RPS6KC1: variants seen among roughly 807,000 people sequenced by gnomAD.
The protein encoded by RPS6KC1 is ribosomal protein S6 kinase C1.
In RPS6KC1, 54 loss-of-function variants were observed where a neutral mutation model predicts 103.8. That is an observed-to-expected ratio of 0.52 (90% CI 0.42 to 0.65). RPS6KC1 has a LOEUF of 0.65. Among genes scored for constraint, RPS6KC1 ranks in the 30% least tolerant of loss-of-function variants. The probability of loss-of-function intolerance (pLI) is 0.00; values close to 1 mark genes in which losing one functional copy is unlikely to be tolerated. For synonymous variants in RPS6KC1, 439 were observed against 438.7 expected, an observed-to-expected ratio of 1.00 and a Z score of -0.01; for missense variants, 1,151 against 1,253.8, an observed-to-expected ratio of 0.92 and a Z score of 1.24.
chr1:213,828,331 G>T, the RPS6KC1 span, among the ~76,000 whole-genome samples: 1 of 152,088 alleles, frequency 6.6e-6, no homozygotes, highest in Non-Finnish European at 1.5e-5. Flanking sequence ...GACACCCACC[G>T]CAGGGCATGT....
chr1:213,447,620 A>G, the RPS6KC1 span, among the ~76,000 whole-genome samples: 1 of 152,130 alleles, frequency 6.6e-6, no homozygotes, highest in African/African-American at 2.4e-5. Flanking sequence ...ATTGGATGAC[A>G]TGGGTTTAGC....
At chr1:213,796,925 T>G in the RPS6KC1 span, among the ~76,000 whole-genome samples, 1 of 152,124 alleles carries the variant, frequency 6.6e-6, no homozygotes, top group African/African-American at 2.4e-5. Context: ...GAGGCCAAAT[T>G]AAATGGCATG....
At chr1:213,320,698 G>A in the RPS6KC1 span, among the ~76,000 whole-genome samples, 2 of 152,232 alleles carry the variant, frequency 1.3e-5, no homozygotes, top group African/African-American at 4.8e-5. Flanking sequence ...ACCAGTGAGT[G>A]GAGTTGCTTT....
chr1:213,482,554 T>G, the RPS6KC1 span, among the ~76,000 whole-genome samples: 4 of 121,858 alleles, frequency 3.3e-5, no homozygotes, highest in African/African-American at 9.2e-5. Flanking sequence ...TTTTTTTTTT[T>G]TTTTTTTTTT....
At chr1:213,431,896 A>G in the RPS6KC1 span, among the ~76,000 whole-genome samples, 2 of 152,186 alleles carry the variant, frequency 1.3e-5, no homozygotes, top group Non-Finnish European at 2.9e-5. Flanking sequence ...AGAGTGTTTC[A>G]GAGTGGTTGT....
intron 6 of RPS6KC1, among the ~76,000 whole-genome samples, chr1:213,166,139 G>A (rs183226765): frequency 2.7e-5 from 4 of 149,770 alleles, no homozygotes; most frequent in East Asian, 3.9e-4. Flanking sequence ...TTTTTTTTAC[G>A]AAGCAAATTT....
At chr1:213,515,562 G>A in the RPS6KC1 span, among the ~76,000 whole-genome samples, 2 of 152,080 alleles carry the variant, frequency 1.3e-5, no homozygotes, top group African/African-American at 4.8e-5. Flanking sequence ...TTATTTCTGA[G>A]GGCTCTGTTC....
At chr1:213,112,698 A>G (rs544740634) in intron 4 of RPS6KC1, among the ~76,000 whole-genome samples, 85 of 151,938 alleles carry the variant, frequency 5.6e-4, no homozygotes, top group East Asian at 2.1e-3. Context: ...ATATCTCCCA[A>G]TGCTATCCCT....
chr1:213,159,776 C>T (rs572475531), intron 6 of RPS6KC1, among the ~76,000 whole-genome samples: 9 of 151,602 alleles, frequency 5.9e-5, no homozygotes, highest in Admixed American at 1.3e-4. Flanking sequence ...ATTAGTCGAT[C>T]TCTCATCAGT....
the RPS6KC1 span, among the ~76,000 whole-genome samples, chr1:213,725,721 T>A: frequency 6.6e-6 from 1 of 152,258 alleles, no homozygotes; most frequent in African/African-American, 2.4e-5. Context: ...CCCTGTTCAG[T>A]CAGAAAGGTT....
the RPS6KC1 span, among the ~76,000 whole-genome samples, chr1:213,813,219 C>T: frequency 6.6e-6 from 1 of 152,082 alleles, no homozygotes; most frequent in Non-Finnish European, 1.5e-5. Flanking sequence ...CCACTGCACT[C>T]TAGCCTGGGC....
intron 3 of RPS6KC1, among the ~76,000 whole-genome samples, chr1:213,087,469 G>A (rs1264786940): frequency 6.6e-6 from 1 of 152,118 alleles, no homozygotes; most frequent in African/African-American, 2.4e-5. Context: ...TTGCTTCTTA[G>A]CTTCAAATCT....
At chr1:213,566,482 T>C in the RPS6KC1 span, among the ~76,000 whole-genome samples, 1 of 109,022 alleles carries the variant, frequency 9.2e-6, no homozygotes, top group Non-Finnish European at 1.9e-5. Context: ...TTTTTTTTTT[T>C]TTTTTTTTTG....
chr1:213,448,448 C>G, the RPS6KC1 span, among the ~76,000 whole-genome samples: 2 of 152,052 alleles, frequency 1.3e-5, no homozygotes, highest in Non-Finnish European at 2.9e-5. Context: ...GCAATTAGAC[C>G]CAAACCCCCA....
intron 8 of RPS6KC1, among the ~76,000 whole-genome samples, chr1:213,211,910 GT>G (rs1334026112): frequency 2.0e-5 from 3 of 152,242 alleles, no homozygotes; most frequent in African/African-American, 4.8e-5. Flanking sequence ...GAAGCATTTT[GT>G]TTTTTAAGAC....
At chr1:213,517,121 C>A in the RPS6KC1 span, among the ~76,000 whole-genome samples, 3 of 151,960 alleles carry the variant, frequency 2.0e-5, no homozygotes, top group Non-Finnish European at 4.4e-5. Context: ...TCTCTGTTTT[C>A]TTCTGTATTA....
At chr1:213,420,175 C>G in the RPS6KC1 span, among the ~76,000 whole-genome samples, 2 of 152,150 alleles carry the variant, frequency 1.3e-5, no homozygotes, top group Non-Finnish European at 2.9e-5. Flanking sequence ...TGTGGCTTCC[C>G]AGGTCCCTTG....
Position 213,137,699 on chromosome 1 carries a change from TTTTG to T in RPS6KC1, c.835+7821_835+7824del, listed in dbSNP as rs372435524. 2.3e-3 allele frequency among the ~76,000 whole-genome samples: 341 copies of T among 150,458 alleles called. 2 individuals carry two copies. Among genetic ancestry groups the T allele is most frequent in the South Asian group, 0.012 (56 of 4,718 alleles). On this transcript the variant is annotated intron_variant, in intron 6 of 14. Coordinates refer to ENST00000366960, the MANE Select transcript of RPS6KC1 (RefSeq NM_012424.6). ...CATTTAGTTGGGCTTCCTTTTTCTG[TTTTG>T]TTTGTTTGTTCGTTTGTTTTTTCCT...
At position 213,232,659 on chromosome 1, in the gene RPS6KC1, C is replaced by A. The variant is rs1040343726; in HGVS notation, c.1225+404C>A. 2.6e-5 allele frequency among the ~76,000 whole-genome samples: 4 copies of A among 152,256 alleles called. No individual in the cohort carries two copies. The South Asian group carries it at 8.3e-4, about 32-fold the overall frequency. ...TGAAGAATTAATTAATTACCTCCTT[C>A]TTTTAGAAGGCAAGGGTGTTGGCTT... On this transcript the variant is annotated intron_variant, in intron 10 of 14. Coordinates refer to ENST00000366960, the MANE Select transcript of RPS6KC1 (RefSeq NM_012424.6).
Sources: allele counts gnomAD v4.1 joint callset (sites outside exome capture counted in the v4.1 genomes callset), GRCh38; gene constraint gnomAD v4.1.1; transcripts MANE v1.5; gene names NCBI Gene and HGNC (gene_info 2026-07-23, HGNC 2026-07-21).